EEIG1: variants seen among roughly 807,000 people sequenced by gnomAD.
EEIG1 encodes early estrogen-induced gene 1 protein.
At chr9:127,961,380 G>A in the EEIG1 span, among the ~76,000 whole-genome samples, 1 of 152,230 alleles carries the variant, frequency 6.6e-6, no homozygotes. Context: ...CTTGTGATGG[G>A]AGGTGGGAAT....
At chr9:127,969,946 G>A in the EEIG1 span, among the ~76,000 whole-genome samples, 6 of 152,024 alleles carry the variant, frequency 3.9e-5, no homozygotes, top group East Asian at 9.6e-4. Context: ...GCACAGAGAC[G>A]TGCAGAACTC....
chr9:127,945,013 G>A, the EEIG1 span: 21 of 1,260,608 alleles, frequency 1.7e-5, no homozygotes, highest in South Asian at 5.5e-5. This position sits in a 1 kb window ranked among gnomAD's most constrained non-coding sequence, Gnocchi z 6.5. Context: ...GTCCCTGTGC[G>A]CTCCGTGCTG....
chr9:127,942,974 T>G, the EEIG1 span: 1 of 595,700 alleles, frequency 1.7e-6, no homozygotes, highest in Non-Finnish European at 3.0e-6. Context: ...GAGGAGAATA[T>G]TCACAGTGGT....
the EEIG1 span, among the ~76,000 whole-genome samples, chr9:127,969,157 A>T: frequency 6.6e-6 from 1 of 152,200 alleles, no homozygotes; most frequent in East Asian, 1.9e-4. Context: ...CCGTCGGCAA[A>T]GACAGGGTTC....
At chr9:127,946,084 C>A in the EEIG1 span, among the ~76,000 whole-genome samples, 4 of 152,218 alleles carry the variant, frequency 2.6e-5, no homozygotes, top group African/African-American at 9.6e-5. Flanking sequence ...CTGGCCCAGT[C>A]TGGGGACAGG....
chr9:127,947,969 A>T, the EEIG1 span: 2 of 1,330,120 alleles, frequency 1.5e-6, no homozygotes, highest in Non-Finnish European at 2.1e-6. Flanking sequence ...TCCCACCATC[A>T]CTCTCCCCTC....
chr9:127,945,655 T>A, the EEIG1 span: 10 of 1,589,026 alleles, frequency 6.3e-6, no homozygotes, highest in Middle Eastern at 6.8e-4. This position sits in a 1 kb window ranked among gnomAD's most constrained non-coding sequence, Gnocchi z 6.5. Flanking sequence ...TCACCGGAGA[T>A]CTTGGACTGC....
chr9:127,978,252 GTGTT>G, the EEIG1 span, among the ~76,000 whole-genome samples: 3 of 152,182 alleles, frequency 2.0e-5, no homozygotes, highest in Non-Finnish European at 2.9e-5. Context: ...TCCCAGCAGA[GTGTT>G]TGACCTCTGG....
the EEIG1 span, chr9:127,980,320 G>C: frequency 1.7e-6 from 1 of 579,608 alleles, no homozygotes; most frequent in Non-Finnish European, 2.9e-6. Flanking sequence ...TCCAGTTCGC[G>C]GGCCGGCGGG....
chr9:127,960,083 C>T, the EEIG1 span, among the ~76,000 whole-genome samples: 1 of 152,174 alleles, frequency 6.6e-6, no homozygotes, highest in Non-Finnish European at 1.5e-5. Flanking sequence ...GAGAACACCA[C>T]AGGGAAGGTG....
At chr9:127,945,437 G>A in the EEIG1 span, 45 of 1,566,048 alleles carry the variant, frequency 2.9e-5, no homozygotes, top group East Asian at 1.9e-4. This position sits in a 1 kb window ranked among gnomAD's most constrained non-coding sequence, Gnocchi z 6.5. Context: ...CGGTGCTCCC[G>A]CTCACTGCCC....
At chr9:127,972,854 A>G in the EEIG1 span, among the ~76,000 whole-genome samples, 3 of 152,250 alleles carry the variant, frequency 2.0e-5, no homozygotes, top group South Asian at 6.2e-4. The surrounding 1 kb of genome is among the most constrained non-coding windows in gnomAD (Gnocchi z 4.3). Context: ...GTTTGCCACC[A>G]CAGCCCTATG....
the EEIG1 span, chr9:127,980,144 G>A: frequency 6.2e-7 from 1 of 1,611,014 alleles, no homozygotes; most frequent in African/African-American, 1.3e-5. Flanking sequence ...CCATGAGCGA[G>A]TTCCCTGAGT....
chr9:127,955,780 C>A, the EEIG1 span, among the ~76,000 whole-genome samples: 1 of 152,244 alleles, frequency 6.6e-6, no homozygotes, highest in Non-Finnish European at 1.5e-5. Flanking sequence ...GAGGAGCCCC[C>A]TCCAGGCTCC....
chr9:127,978,435 G>A, the EEIG1 span, among the ~76,000 whole-genome samples: 1 of 152,212 alleles, frequency 6.6e-6, no homozygotes, highest in South Asian at 2.1e-4. Flanking sequence ...GGGCCCACAA[G>A]GAGGCCCAGG....
chr9:127,971,618 C>A, the EEIG1 span, among the ~76,000 whole-genome samples: 1 of 152,154 alleles, frequency 6.6e-6, no homozygotes, highest in Non-Finnish European at 1.5e-5. Context: ...TGGTTCAGAG[C>A]CAGGGGAGAA....
At chr9:127,953,231 C>T in the EEIG1 span, 2 of 299,896 alleles carry the variant, frequency 6.7e-6, no homozygotes, top group South Asian at 1.5e-4. Context: ...TTATTTGCTG[C>T]TCTCTTTGTA....
the EEIG1 span, among the ~76,000 whole-genome samples, chr9:127,964,920 G>C: frequency 2.0e-5 from 3 of 151,834 alleles, no homozygotes; most frequent in Non-Finnish European, 4.4e-5. Flanking sequence ...TGGACAACAC[G>C]GTGAAACATG....
At chr9:127,958,733 A>G in the EEIG1 span, among the ~76,000 whole-genome samples, 4 of 152,208 alleles carry the variant, frequency 2.6e-5, no homozygotes, top group African/African-American at 9.6e-5. Context: ...TCATCAAAAA[A>G]GTGAAAAGAC....
Sources: gnomAD v4.1 joint callset for allele counts (sites outside exome capture counted in the v4.1 genomes callset) on GRCh38, gnomAD v4.1.1 for gene constraint, Gnocchi (gnomAD v3.1) non-coding constraint, MANE v1.5 for transcripts, NCBI Gene and HGNC (gene_info 2026-07-23, HGNC 2026-07-21) for gene names.